Variants in ZNF324 observed in about 807,000 individuals in gnomAD.
ZNF324 encodes the protein zinc finger protein 324, also known as zinc finger protein 324A.
A neutral mutation model predicts 10.3 loss-of-function variants in ZNF324; 3 were observed. The observed-to-expected ratio is 0.29, with a 90% CI of 0.13 to 0.75. The LOEUF (loss-of-function observed/expected upper bound fraction) is 0.75. Among genes scored for constraint, ZNF324 ranks in the 30% least tolerant of loss-of-function variants. The pLI is 0.69. For synonymous variants in ZNF324, 430 were observed against 339.5 expected (o/e 1.27, Z -2.93); for missense variants, 763 against 784.4 (o/e 0.97, Z 0.33).
At position 58,473,378 on chromosome 19, in the gene ZNF324, G is replaced by A. The variant is rs1263213146; in HGVS notation, c.*1224G>A. 1 of 135,974 alleles carries A rather than the reference G, an allele frequency of 7.4e-6. No individual in the cohort carries two copies. Among genetic ancestry groups the A allele is most frequent in the African/African-American group, 2.8e-5 (1 of 35,248 alleles). The allele number at this position is 135,974 out of a possible 1,614,324, so 8.4% of individuals were successfully genotyped here. A position where few individuals can be genotyped will look rare whatever the true frequency, so the allele number is the denominator to read the frequency against. ...AGACCAGGCCCTGTCCCTACCTGGA[G>A]CCTCACCTCCAAGGAAATTCATGTT... On this transcript the variant is annotated 3_prime_UTR_variant, in exon 4 of 4. Coordinates refer to ENST00000196482, the MANE Select transcript of ZNF324 (RefSeq NM_014347.3).
rs2053032439 is a variant in ZNF324, at chr19:58,471,478, T to C, written c.986T>C (p.Val329Ala). The C allele has an allele frequency of 6.3e-7, 1 of 1,591,712 alleles. No individual in the cohort carries two copies. The highest frequency in any genetic ancestry group is 1.3e-5 in the African/African-American group (1 of 74,116). The part of the protein sequence containing the change: ...GKAFRHSSSL[V>A]RHQRIHTAEK... ...GCCTTCCGGCATAGCTCCTCGCTGG[T>C]GCGGCACCAGCGCATCCACACGGCC... The change falls in exon 4 of 4, where the codon GTG (valine) becomes GCG (alanine). Residue 329 changes from valine (V) to alanine (A), a missense_variant. Physicochemically the swap from Val to Ala is moderately conservative, Grantham distance 64 (BLOSUM62 0). Transcript: ENST00000196482.
Position 58,474,966 on chromosome 19 carries a change from A to G in ZNF324, c.*2812A>G, listed in dbSNP as rs2053068573. 6.6e-6 allele frequency: 1 copy of G among 152,230 alleles called. No homozygotes were observed. Among genetic ancestry groups the G allele is most frequent in the Non-Finnish European group, 1.5e-5 (1 of 68,050 alleles). The allele number at this position is 152,230 out of a possible 1,614,324, so 9.4% of individuals were successfully genotyped here. On this transcript the variant is annotated 3_prime_UTR_variant, in exon 4 of 4. Coordinates refer to ENST00000196482, the MANE Select transcript of ZNF324 (RefSeq NM_014347.3). ...AGCAGCCCAGAGACGGGAGACCTAT[A>G]TCAAAGCTGCCTGGGGAACAACTAC...
At position 58,471,713 on chromosome 19, in the gene ZNF324, C is replaced by T. The variant is rs1286490047; in HGVS notation, c.1221C>T (p.Ser407=). 15 of 1,612,398 alleles carry T rather than the reference C, an allele frequency of 9.3e-6. No individual in the cohort carries two copies. The highest frequency in any genetic ancestry group is 1.3e-5 in the Non-Finnish European group (15 of 1,179,378). ...FVCALCGAAF[S]QGSSLFKHQR... ...GCGCGCTCTGCGGTGCTGCCTTCAGCCAGGGCTCCTCGCTCTTTAAGCACC... is the reference window on the plus strand; with the variant it reads ...GCGCGCTCTGCGGTGCTGCCTTCAGTCAGGGCTCCTCGCTCTTTAAGCACC... The change falls in exon 4 of 4, where the codon AGC becomes AGT. Residue 407 remains serine (S), a synonymous_variant. Coordinates refer to ENST00000196482, the MANE Select transcript of ZNF324 (RefSeq NM_014347.3).
intron 1 of ZNF324, 120 bp from the exon 2 acceptor site, chr19:58,469,060 G>A: frequency 1.7e-6 from 2 of 1,177,938 alleles, no homozygotes; most frequent in Non-Finnish European, 2.4e-6. Flanking sequence ...GCTGTTATTA[G>A]TGTTAATGTA....
At position 58,471,551 on chromosome 19, in the gene ZNF324, C is replaced by T. The variant is rs532012569; in HGVS notation, c.1059C>T (p.Gly353=). The T allele has an allele frequency of 1.3e-3, 2,009 of 1,582,488 alleles. 3 individuals carry two copies. The highest frequency in any genetic ancestry group is 1.6e-3 in the Non-Finnish European group (1,824 of 1,162,410). The change falls in exon 4 of 4, where the codon GGC becomes GGT. Residue 353 remains glycine, a synonymous_variant. Coordinates refer to ENST00000196482, the MANE Select transcript of ZNF324 (RefSeq NM_014347.3). ...AGTGCGGCAAGGCCTTCAGCCACGGCTCCAACCTCAGCCAGCACCGCAAGA... is the reference window on the plus strand; with the variant it reads ...AGTGCGGCAAGGCCTTCAGCCACGGTTCCAACCTCAGCCAGCACCGCAAGA... ...CSECGKAFSH[G]SNLSQHRKIH...
At chr19:58,469,056 ATTAGTGTTAATGTATT>A in intron 1 of ZNF324, 108 bp from the exon 2 acceptor site, 2 of 1,131,580 alleles carry the variant, frequency 1.8e-6, no homozygotes, top group Non-Finnish European at 2.6e-6. Context: ...ATCAGCTGTT[ATTAGTGTTAATGTATT>A]TTATGTGTTG....
In ZNF324 at chr19:58,469,183, C is replaced by A. The variant is rs376173561; in HGVS notation, c.-3C>A. ...CTCTTCCTCCCTGCTCTTTTAGGAC[C>A]AGATGGCCTTTGAGGATGTGGCTGT... On this transcript the variant is annotated 5_prime_UTR_variant, in exon 2 of 4. Coordinates refer to ENST00000196482, the MANE Select transcript of ZNF324 (RefSeq NM_014347.3). The A allele has an allele frequency of 1.2e-6, 2 of 1,614,188 alleles. No homozygotes were observed. Among genetic ancestry groups the A allele is most frequent in the Non-Finnish European group, 8.5e-7 (1 of 1,180,030 alleles).
rs1044696028 is a variant in ZNF324, at chr19:58,470,960, C to T, written c.468C>T (p.Ala156=). The stretch of plus-strand genomic sequence containing the variant: ...TGCTAGGCTCAGGCAGTGGGCAAGC[C>T]AGCGTCAGCCTGCGACTGACCTCCC... The part of the protein sequence containing the change: ...RLLLGSGSGQ[A]SVSLRLTSPL... The change falls in exon 4 of 4, where the codon GCC becomes GCT. Residue 156 remains alanine, a synonymous_variant. Coordinates refer to ENST00000196482, the MANE Select transcript of ZNF324 (RefSeq NM_014347.3). The T allele has an allele frequency of 4.3e-6, 7 of 1,614,112 alleles. No individual in the cohort carries two copies. The highest frequency in any genetic ancestry group is 1.6e-4 in the Middle Eastern group (1 of 6,084).
rs1044618345 is a variant in ZNF324, at chr19:58,470,759, T to G, written c.267T>G (p.Asp89Glu). Residue 89 changes from aspartate to glutamate, a missense_variant, in exon 4 of 4, where the codon GAT (aspartate) becomes GAG (glutamate). Transcript: ENST00000196482. ...CCTGGAGTTTGACAGAGGATAGAGA[T>G]GTTTCTGGAGAATGGCCACGAGCTT... The part of the protein sequence containing the change: ...PGSWSLTEDR[D>E]VSGEWPRAFP... 2 of 1,614,220 alleles carry G rather than the reference T, an allele frequency of 1.2e-6. No homozygotes were observed. Among genetic ancestry groups the G allele is most frequent in the Admixed American group, 1.7e-5 (1 of 60,030 alleles).
rs774735748 is a variant in ZNF324 at position 58,471,665 on chromosome 19, C to T, written c.1173C>T (p.His391=). The T allele has an allele frequency of 3.7e-6, 6 of 1,612,338 alleles. No homozygotes were observed. Among genetic ancestry groups the T allele is most frequent in the Admixed American group, 1.7e-5 (1 of 59,994 alleles). The change falls in exon 4 of 4, where the codon CAC becomes CAT. Residue 391 remains histidine, a synonymous_variant. Transcript: ENST00000196482. ...ACCTGATCCAGCACGAGCGTACGCA[C>T]ACAGGCGAGAAGCCCTTCGTGTGCG... ...NSHLIQHERT[H]TGEKPFVCAL... is the part of the protein sequence containing the mutation.
At position 58,471,590 on chromosome 19, in the gene ZNF324, G is replaced by A; in HGVS notation, c.1098G>A (p.Gly366=). The part of the protein sequence containing the change: ...LSQHRKIHAG[G]RPYACAQCGR... ...AGCACCGCAAGATCCACGCGGGTGG[G>A]CGTCCTTATGCTTGCGCACAGTGTG... The change falls in exon 4 of 4, where the codon GGG becomes GGA. Residue 366 remains glycine, a synonymous_variant. Coordinates refer to ENST00000196482, the MANE Select transcript of ZNF324 (RefSeq NM_014347.3). The A allele has an allele frequency of 6.3e-7, 1 of 1,595,994 alleles. No individual in the cohort carries two copies.
At chr19:58,469,684 T>C (rs1404018177) in intron 2 of ZNF324, 44 bp from the exon 3 acceptor site, 1 of 1,506,076 alleles carries the variant, frequency 6.6e-7, no homozygotes, top group Non-Finnish European at 9.0e-7. Context: ...AGGTGGGTTA[T>C]CTTGAGCTGG....
At chr19:58,470,595 C>T (rs1003119416) in intron 3 of ZNF324, 136 bp from the exon 4 acceptor site, 5 of 1,089,634 alleles carry the variant, frequency 4.6e-6, no homozygotes, top group African/African-American at 4.6e-5. Context: ...GCCCCTCCTG[C>T]AGGGCCAGCC....
chr19:58,471,447 G>A lies in ZNF324; in HGVS notation c.955G>A (p.Gly319Ser), dbSNP rs1464963353. 2.5e-6 allele frequency: 4 copies of A among 1,604,040 alleles called. No individual in the cohort carries two copies. Among genetic ancestry groups the A allele is most frequent in the African/African-American group, 1.3e-5 (1 of 74,760 alleles). The change falls in exon 4 of 4, where the codon GGC becomes AGC. Residue 319 changes from glycine to serine, a missense_variant. By Grantham distance (56) the Gly-to-Ser change is moderately conservative. Coordinates refer to ENST00000196482, the MANE Select transcript of ZNF324 (RefSeq NM_014347.3). ...GETPYACPVC[G>S]KAFRHSSSLV... is the part of the protein sequence containing the mutation. ...GACGCCCTACGCGTGCCCCGTGTGC[G>A]GCAAGGCCTTCCGGCATAGCTCCTC...
intron 3 of ZNF324, 51 bp downstream of exon 3, chr19:58,469,895 CCT>C (rs1317800121): frequency 6.9e-7 from 1 of 1,449,898 alleles, no homozygotes; most frequent in Admixed American, 1.9e-5. Context: ...TGTGGTCATG[CCT>C]CTGTCCCTGG....
Position 58,472,965 on chromosome 19 carries a change from T to G in ZNF324, c.*811T>G, listed in dbSNP as rs759920758. On this transcript the variant is annotated 3_prime_UTR_variant, in exon 4 of 4. Transcript: ENST00000196482. ...ATGGGGGAACATGTGACTCTCAGCA[T>G]TGGAAGGACAGAGCTAGGATGATGG... The G allele has an allele frequency of 6.5e-6, 1 of 152,688 alleles. No individual in the cohort carries two copies. The highest frequency in any genetic ancestry group is 2.1e-4 in the South Asian group (1 of 4,838). The allele number at this position is 152,688 out of a possible 1,614,324, so 9.5% of individuals were successfully genotyped here.
intron 3 of ZNF324, among the ~76,000 whole-genome samples, chr19:58,470,160 C>T (rs1599996797): frequency 6.6e-6 from 1 of 152,266 alleles, no homozygotes; most frequent in East Asian, 1.9e-4. Flanking sequence ...TTTTTTTCAC[C>T]CTTCATCTTT....
chr19:58,473,516 A>T lies in ZNF324; in HGVS notation c.*1362A>T, dbSNP rs1022663361. 15 of 151,902 alleles carry T rather than the reference A, an allele frequency of 9.9e-5. No individual in the cohort carries two copies. The highest frequency in any genetic ancestry group is 9.8e-4 in the Admixed American group (15 of 15,256). The allele number at this position is 151,902 out of a possible 1,614,324, so 9.4% of individuals were successfully genotyped here. A position where few individuals can be genotyped will look rare whatever the true frequency, so the allele number is the denominator to read the frequency against. On this transcript the variant is annotated 3_prime_UTR_variant, in exon 4 of 4. Coordinates refer to ENST00000196482, the MANE Select transcript of ZNF324 (RefSeq NM_014347.3). ...GAGCACAGCCTCTTGTCCCTACTCCAGAGCATGGTTCAGTCTTAATAGCAG... is the reference window on the plus strand; with the variant it reads ...GAGCACAGCCTCTTGTCCCTACTCCTGAGCATGGTTCAGTCTTAATAGCAG...
At chr19:58,470,405 G>T in intron 3 of ZNF324, 1 of 453,372 alleles carries the variant, frequency 2.2e-6, no homozygotes, top group Non-Finnish European at 4.1e-6. Context: ...GGGGGAAGGG[G>T]GTAAGCAATG....
Sources: allele counts gnomAD v4.1 joint callset (sites outside exome capture counted in the v4.1 genomes callset), GRCh38; gene constraint gnomAD v4.1.1; transcripts MANE v1.5; gene names NCBI Gene and HGNC (gene_info 2026-07-23, HGNC 2026-07-21).